The following PLCB4 variants were observed in gnomAD, a reference collection of about 807,000 sequenced individuals.
PLCB4 encodes the protein 1-phosphatidylinositol 4,5-bisphosphate phosphodiesterase beta-4.
Under a neutral mutation model 178.8 loss-of-function variants are expected in PLCB4, and 77 were observed. The ratio of observed to expected loss-of-function variants is 0.43; its 90% CI spans 0.36 to 0.52. The LOEUF (loss-of-function observed/expected upper bound fraction) is 0.52, where lower values mean the gene tolerates loss of function less well. Among genes scored for constraint, PLCB4 ranks in the 20% least tolerant of loss-of-function variants. PLCB4 has a pLI of 0.00. For synonymous variants in PLCB4, 496 were observed against 490.8 expected (o/e 1.01, Z -0.14); for missense variants, 1,024 against 1,453.4 (o/e 0.70, Z 4.80).
chr20:9,321,959 T>TTTTTG (rs2094963961), intron 4 of PLCB4, among the ~76,000 whole-genome samples: 1 of 150,864 alleles, frequency 6.6e-6, no homozygotes, highest in South Asian at 2.1e-4. Flanking sequence ...TTTCTTTTTT[T>TTTTTG]TTTTTTGATA....
At chr20:9,178,856 A>G (rs2147078734) in intron 2 of PLCB4, among the ~76,000 whole-genome samples, 1 of 152,248 alleles carries the variant, frequency 6.6e-6, no homozygotes, top group East Asian at 1.9e-4. Context: ...TAGAAAAGAA[A>G]TAGAAAAAAG....
chr20:9,170,588 A>AGT (rs919824083), intron 2 of PLCB4, among the ~76,000 whole-genome samples: 2 of 152,250 alleles, frequency 1.3e-5, no homozygotes, highest in African/African-American at 4.8e-5. Context: ...TTGAGGATAC[A>AGT]GTAACCTCAT....
At chr20:9,347,169 C>T (rs574369500) in intron 7 of PLCB4, among the ~76,000 whole-genome samples, 3 of 152,210 alleles carry the variant, frequency 2.0e-5, no homozygotes, top group South Asian at 2.1e-4. Context: ...AAGACAAATA[C>T]GGGAGGGTGT....
intron 7 of PLCB4, among the ~76,000 whole-genome samples, chr20:9,339,805 T>G (rs901178031): frequency 2.6e-5 from 4 of 152,154 alleles, no homozygotes; most frequent in Non-Finnish European, 5.9e-5. Flanking sequence ...TATTAAAATA[T>G]TGGGTTAAGA....
intron 4 of PLCB4, among the ~76,000 whole-genome samples, chr20:9,323,418 G>A (rs967728693): frequency 1.3e-5 from 2 of 152,220 alleles, no homozygotes; most frequent in Admixed American, 6.5e-5. Flanking sequence ...AGCCCTGAGA[G>A]TAGACTTTGT....
At chr20:9,124,067 T>G (rs2092046384) in intron 2 of PLCB4, among the ~76,000 whole-genome samples, 1 of 152,164 alleles carries the variant, frequency 6.6e-6, no homozygotes, top group Non-Finnish European at 1.5e-5. Flanking sequence ...ATTATTCTTC[T>G]TTTAATTTTT....
At chr20:9,244,144 T>C (rs1419424102) in intron 3 of PLCB4, among the ~76,000 whole-genome samples, 1 of 152,176 alleles carries the variant, frequency 6.6e-6, no homozygotes, top group African/African-American at 2.4e-5. Context: ...TGTTATTCTG[T>C]GGTCGTATTG....
At chr20:9,359,674 C>T (rs1209633345) in intron 7 of PLCB4, among the ~76,000 whole-genome samples, 2 of 152,182 alleles carry the variant, frequency 1.3e-5, no homozygotes, top group Non-Finnish European at 2.9e-5. Flanking sequence ...AGGAGCGTGT[C>T]GCCATCCAGC....
At chr20:9,313,639 C>T (rs534384058) in intron 4 of PLCB4, among the ~76,000 whole-genome samples, 1 of 152,294 alleles carries the variant, frequency 6.6e-6, no homozygotes, top group Non-Finnish European at 1.5e-5. Context: ...GCTGTCTTGC[C>T]ATGAGTCCTG....
intron 2 of PLCB4, among the ~76,000 whole-genome samples, chr20:9,213,072 A>G (rs922944664): frequency 2.0e-5 from 3 of 146,558 alleles, no homozygotes; most frequent in Middle Eastern, 3.4e-3. Context: ...GACATTTCAT[A>G]TACATGGGAA....
At chr20:9,090,769 T>C (rs1231459051) in intron 1 of PLCB4, among the ~76,000 whole-genome samples, 1 of 152,200 alleles carries the variant, frequency 6.6e-6, no homozygotes, top group Non-Finnish European at 1.5e-5. Context: ...TGAGAATTTA[T>C]AAAGTTGTTA....
chr20:9,350,718 C>T (rs1044740086), intron 7 of PLCB4, among the ~76,000 whole-genome samples: 5 of 152,108 alleles, frequency 3.3e-5, no homozygotes, highest in African/African-American at 1.2e-4. Flanking sequence ...GCCACCACGC[C>T]CAGCTAATTA....
intron 4 of PLCB4, among the ~76,000 whole-genome samples, chr20:9,318,671 A>G (rs1341871810): frequency 6.6e-6 from 1 of 152,190 alleles, no homozygotes; most frequent in Non-Finnish European, 1.5e-5. Flanking sequence ...ACCTTCATCC[A>G]AAAGCCCAGG....
At chr20:9,342,000 ACTGGAC>A (rs2033260730) in intron 7 of PLCB4, among the ~76,000 whole-genome samples, 1 of 152,152 alleles carries the variant, frequency 6.6e-6, no homozygotes, top group Non-Finnish European at 1.5e-5. Flanking sequence ...CATTGTCCAA[ACTGGAC>A]AGTGCATTGT....
chr20:9,123,288 G>C (rs34747654), intron 2 of PLCB4, among the ~76,000 whole-genome samples: 7,952 of 151,980 alleles, frequency 0.052, 260 homozygotes, highest in South Asian at 0.084. Context: ...TGTGTACTTT[G>C]AAAATATTTT....
intron 2 of PLCB4, among the ~76,000 whole-genome samples, chr20:9,135,535 A>T (rs1172790466): frequency 1.3e-5 from 2 of 152,116 alleles, no homozygotes; most frequent in East Asian, 3.9e-4. Context: ...GTATTAATTT[A>T]TAAGAAATTT....
intron 32 of PLCB4, among the ~76,000 whole-genome samples, chr20:9,450,199 T>A (rs1359359304): frequency 6.6e-6 from 1 of 152,226 alleles, no homozygotes; most frequent in African/African-American, 2.4e-5. Flanking sequence ...GAAATGTATG[T>A]CTCTTCAATA....
chr20:9,390,078 C>A, intron 16 of PLCB4, 120 bp downstream of exon 16: 9 of 572,048 alleles, frequency 1.6e-5, no homozygotes, highest in Non-Finnish European at 1.9e-5. Context: ...GTACTAAGTT[C>A]AAATAATTCT....
intron 1 of PLCB4, among the ~76,000 whole-genome samples, chr20:9,083,002 G>C (rs34745573): frequency 1.9e-4 from 29 of 152,228 alleles, no homozygotes; most frequent in African/African-American, 6.7e-4. Flanking sequence ...AGACCAACAG[G>C]TTTTCCATAA....
Sources: allele counts gnomAD v4.1 joint callset (sites outside exome capture counted in the v4.1 genomes callset), GRCh38; gene constraint gnomAD v4.1.1; transcripts MANE v1.5; gene names NCBI Gene and HGNC (gene_info 2026-07-23, HGNC 2026-07-21).